GALP: variants seen among roughly 807,000 people sequenced by gnomAD.
The protein encoded by GALP is galanin like peptide, also known as galanin-like peptide.
Under a neutral mutation model 15.2 loss-of-function variants are expected in GALP, and 12 were observed. That is an observed-to-expected ratio of 0.79 (90% CI 0.51 to 1.28). The LOEUF is 1.28. GALP is among the 50% of genes most tolerant of loss of function. The pLI, the probability that GALP is intolerant of heterozygous loss-of-function variation, is 0.00. For synonymous variants in GALP, 58 were observed against 55.1 expected (o/e 1.05, Z -0.23); for missense variants, 161 against 145.6 (o/e 1.11, Z -0.55).
intron 5 of GALP, among the ~76,000 whole-genome samples, chr19:56,184,426 G>C (rs917548484): frequency 1.3e-5 from 2 of 150,616 alleles, no homozygotes; most frequent in Non-Finnish European, 3.0e-5. Flanking sequence ...CCTTCCTTTA[G>C]TTGGATGTTC....
At chr19:56,180,495 A>G (rs2032544620) in intron 2 of GALP, 91 bp from the exon 3 acceptor site, 3 of 1,056,032 alleles carry the variant, frequency 2.8e-6, no homozygotes, top group South Asian at 2.5e-5. Flanking sequence ...CCAGTGGGAA[A>G]GTCGTATGAC....
At chr19:56,180,533 C>T (rs575558209) in intron 2 of GALP, 53 bp from the exon 3 acceptor site, 60 of 1,502,454 alleles carry the variant, frequency 4.0e-5, no homozygotes, top group South Asian at 3.0e-4. Flanking sequence ...ACCTGTGGGA[C>T]GCCTGCCCCG....
chr19:56,183,438 C>T (rs997117984), intron 5 of GALP, among the ~76,000 whole-genome samples: 6 of 152,100 alleles, frequency 3.9e-5, no homozygotes, highest in Non-Finnish European at 7.4e-5. Flanking sequence ...CGAATCCCAC[C>T]TCATGTTCCA....
chr19:56,180,911 CTTTCTTTTTTTT>C (rs1267116250), intron 3 of GALP, among the ~76,000 whole-genome samples: 28 of 90,688 alleles, frequency 3.1e-4, no homozygotes, highest in East Asian at 1.5e-3. Flanking sequence ...TTCTTTCTTT[CTTTCTTTTTTTT>C]TTTTTTTTTT....
chr19:56,183,881 A>G (rs1226735134), intron 5 of GALP, among the ~76,000 whole-genome samples: 1 of 152,052 alleles, frequency 6.6e-6, no homozygotes, highest in Non-Finnish European at 1.5e-5. Flanking sequence ...TACAGGCGTG[A>G]GCCACTGCGC....
At chr19:56,180,540 C>G (rs1255664822) in intron 2 of GALP, 46 bp from the exon 3 acceptor site, 2 of 1,556,190 alleles carry the variant, frequency 1.3e-6, no homozygotes, top group Non-Finnish European at 1.8e-6. Flanking sequence ...GGACGCCTGC[C>G]CCGCTTTCTG....
intron 5 of GALP, among the ~76,000 whole-genome samples, chr19:56,183,520 T>A (rs2032601955): frequency 6.6e-6 from 1 of 152,196 alleles, no homozygotes; most frequent in Non-Finnish European, 1.5e-5. Flanking sequence ...TCTCCCCCAG[T>A]ATCACTCCCT....
chr19:56,178,352 A>T (rs2032501320), intron 2 of GALP, among the ~76,000 whole-genome samples: 1 of 151,834 alleles, frequency 6.6e-6, no homozygotes, highest in South Asian at 2.1e-4. Context: ...AGTCCGAGCT[A>T]CTTGGGAGGC....
chr19:56,185,220 G>T lies in GALP; in HGVS notation c.301G>T (p.Gly101Cys). Residue 101 changes from glycine (G) to cysteine (C), a missense_variant, in exon 6 of 6, where the codon GGC becomes TGC. Physicochemically the swap from Gly to Cys is radical, Grantham distance 159. Coordinates refer to ENST00000357330, the MANE Select transcript of GALP (RefSeq NM_033106.4). ...TFAKPEIGDL[G>C]MLSMKIPKEE... ...TACCTCTTTCTTTCCCACAGATCTG[G>T]GCATGCTCAGCATGAAAATTCCCAA... 6.2e-7 allele frequency: 1 copy of T among 1,604,546 alleles called. No individual in the cohort carries two copies. The highest frequency in any genetic ancestry group is 8.5e-7 in the Non-Finnish European group (1 of 1,172,136).
At chr19:56,180,906 TCTTTCTTTC>T (rs1429372108) in intron 3 of GALP, among the ~76,000 whole-genome samples, 2 of 90,838 alleles carry the variant, frequency 2.2e-5, no homozygotes, top group African/African-American at 9.5e-5. Flanking sequence ...TTTCTTTCTT[TCTTTCTTTC>T]TTTTTTTTTT....
chr19:56,183,558 C>T lies in GALP; in HGVS notation c.295+346C>T, dbSNP rs137957133. Among the ~76,000 whole-genome samples, 958 of 152,288 alleles carry T rather than the reference C, an allele frequency of 6.3e-3. 14 individuals are homozygous for T. The highest frequency in any genetic ancestry group is 0.021 in the African/African-American group (892 of 41,542). On this transcript the variant is annotated intron_variant, in intron 5 of 5. Coordinates refer to ENST00000357330, the MANE Select transcript of GALP (RefSeq NM_033106.4). ...AGCTTAGCCTCAGCTACAACATTGACGTCAAACCTCTCACTTTGACCTCAT... is the reference window on the plus strand; with the variant it reads ...AGCTTAGCCTCAGCTACAACATTGATGTCAAACCTCTCACTTTGACCTCAT...
rs756607699 is a variant in GALP at position 56,180,618 on chromosome 19, C to T, written c.120C>T (p.Gly40=). ...GAGGCTGGACCCTCAATAGTGCTGG[C>T]TACCTTCTGGGTCCCGGTGAGTGAG... ...GRGGWTLNSA[G]YLLGPVLHLP... is the part of the protein sequence containing the mutation. The change falls in exon 3 of 6, where the codon GGC becomes GGT. Residue 40 remains glycine, a synonymous_variant. Coordinates refer to ENST00000357330, the MANE Select transcript of GALP (RefSeq NM_033106.4). 6.2e-7 allele frequency: 1 copy of T among 1,613,838 alleles called. No individual in the cohort carries two copies. Among genetic ancestry groups the T allele is most frequent in the South Asian group, 1.1e-5 (1 of 91,078 alleles).
chr19:56,176,938 T>C, intron 1 of GALP, 132 bp from the exon 2 acceptor site: 1 of 575,750 alleles, frequency 1.7e-6, no homozygotes, highest in Non-Finnish European at 3.1e-6. Context: ...CCTCAAGATG[T>C]GTACATTAAA....
intron 4 of GALP, 70 bp downstream of exon 4, chr19:56,182,322 C>A: frequency 8.6e-7 from 1 of 1,160,282 alleles, no homozygotes; most frequent in Non-Finnish European, 1.3e-6. Flanking sequence ...GCTTTGGAAA[C>A]TGGTAGATGT....
In GALP at chr19:56,183,231, GAAGA is replaced by G. The variant is rs745308267; in HGVS notation, c.295+20_295+23del. 2.5e-6 allele frequency: 4 copies of G among 1,582,820 alleles called. No individual in the cohort carries two copies. In the South Asian group the frequency reaches 4.4e-5, roughly 18 times the overall value. ...ATTGGAGGTAAAGCCAGGAAACACA[GAAGA>G]GAGACACCGACAGGAGAGGGGGAAC... On this transcript the variant is annotated intron_variant, in intron 5 of 5. Coordinates refer to ENST00000357330, the MANE Select transcript of GALP (RefSeq NM_033106.4).
intron 2 of GALP, among the ~76,000 whole-genome samples, chr19:56,177,996 T>C (rs1023475390): frequency 1.3e-5 from 2 of 152,054 alleles, no homozygotes; most frequent in African/African-American, 4.8e-5. Flanking sequence ...GTTGTATACT[T>C]GAAAATTGCT....
chr19:56,184,292 G>T (rs544804871), intron 5 of GALP, among the ~76,000 whole-genome samples: 1 of 151,944 alleles, frequency 6.6e-6, no homozygotes, highest in African/African-American at 2.4e-5. Context: ...AATGCATGAC[G>T]CATAGTAGGT....
rs572907780 is a variant in GALP, at chr19:56,181,730, TTG to T, written c.137-440_137-439del. Among the ~76,000 whole-genome samples, 14 of 152,250 alleles carry T rather than the reference TTG, an allele frequency of 9.2e-5. No homozygotes were observed. In the South Asian group the frequency reaches 2.9e-3, roughly 32 times the overall value. Reference sequence around the variant, plus strand: ...GCAACTTTTTTCTCTTTTCCTCCATTTGTCTCTCCCCATTTCTCCAGTTGCAT... The same window carrying T: ...GCAACTTTTTTCTCTTTTCCTCCATTTCTCTCCCCATTTCTCCAGTTGCAT... On this transcript the variant is annotated intron_variant, in intron 3 of 5. Transcript: ENST00000357330.
At chr19:56,179,617 G>C (rs371887579) in intron 2 of GALP, among the ~76,000 whole-genome samples, 3 of 151,008 alleles carry the variant, frequency 2.0e-5, no homozygotes, top group Admixed American at 2.0e-4. Flanking sequence ...TTACCTACTA[G>C]GGTTGTTGGA....
Sources: gnomAD v4.1 joint callset for allele counts (sites outside exome capture counted in the v4.1 genomes callset) on GRCh38, gnomAD v4.1.1 for gene constraint, MANE v1.5 for transcripts, NCBI Gene and HGNC (gene_info 2026-07-23, HGNC 2026-07-21) for gene names.